Variants in PSPC1 observed in about 807,000 individuals in gnomAD.
PSPC1 encodes paraspeckle component 1.
PSPC1 carries 14 observed loss-of-function variants against 51.6 expected under a neutral mutation model. The observed-to-expected ratio is 0.27, with a 90% CI of 0.18 to 0.42. PSPC1 has a LOEUF of 0.42. Among genes scored for constraint, PSPC1 ranks in the 10% least tolerant of loss-of-function variants. PSPC1 has a pLI of 1.00. For synonymous variants in PSPC1, 193 were observed against 231.9 expected (o/e 0.83, Z 1.53); for missense variants, 406 against 701.1 (o/e 0.58, Z 4.75).
At chr13:19,704,811 C>T (rs1172339199) in intron 8 of PSPC1, among the ~76,000 whole-genome samples, 1 of 152,016 alleles carries the variant, frequency 6.6e-6, no homozygotes, top group Non-Finnish European at 1.5e-5. Context: ...ACTCTCAGAT[C>T]AAGACAAAAA....
intron 6 of PSPC1, among the ~76,000 whole-genome samples, chr13:19,713,640 T>A (rs1307470694): frequency 6.6e-5 from 10 of 151,752 alleles, no homozygotes; most frequent in African/African-American, 2.2e-4. Context: ...ATTGTATGCC[T>A]TTCCATGGAA....
rs375936498 is a variant in PSPC1, at chr13:19,704,791, A to G, written c.1386+871T>C. On this transcript the variant is annotated intron_variant, in intron 8 of 8. Coordinates refer to ENST00000338910, the MANE Select transcript of PSPC1 (RefSeq NM_001354909.2). ...TTCATAGTATTTAATCCACACAAAG[A>G]TATCTTCACACTCTCAGATCAAGAC... 1.1e-4 allele frequency among the ~76,000 whole-genome samples: 17 copies of G among 152,292 alleles called. No homozygotes were observed. In the East Asian group the frequency reaches 1.3e-3, roughly 12 times the overall value.
intron 6 of PSPC1, among the ~76,000 whole-genome samples, chr13:19,721,533 C>CATAT (rs1318250814): frequency 6.6e-6 from 1 of 152,178 alleles, no homozygotes; most frequent in African/African-American, 2.4e-5. Context: ...TAAACACAGA[C>CATAT]ATATACACAC....
intron 2 of PSPC1, among the ~76,000 whole-genome samples, chr13:19,765,353 T>A (rs1290024863): frequency 2.0e-5 from 3 of 147,562 alleles, no homozygotes; most frequent in Non-Finnish European, 3.0e-5. Flanking sequence ...TAATTATTAT[T>A]ATTATTATTA....
intron 1 of PSPC1, among the ~76,000 whole-genome samples, chr13:19,775,343 C>T (rs1889007823): frequency 6.6e-6 from 1 of 151,328 alleles, no homozygotes; most frequent in Admixed American, 6.6e-5. Context: ...CAGAGCGAGA[C>T]TCCGTCTCAA....
At chr13:19,694,438 T>C (rs188687748) in intron 6 of PSPC1, among the ~76,000 whole-genome samples, 6 of 152,276 alleles carry the variant, frequency 3.9e-5, no homozygotes, top group African/African-American at 1.4e-4. Context: ...ATTATATATA[T>C]TTTATTGAAC....
rs1177447031 is a variant in PSPC1, at chr13:19,708,603, GCTTTCTTAAAAGCTT to G, written c.1216+924_1216+938del. On this transcript the variant is annotated intron_variant, in intron 7 of 8. Coordinates refer to ENST00000338910, the MANE Select transcript of PSPC1 (RefSeq NM_001354909.2). ...AAATCCATACTAAAGTTGCTAATATGCTTTCTTAAAAGCTTAGTCAACTCTAAAACATGCATTGGC... is the reference window on the plus strand; with the variant it reads ...AAATCCATACTAAAGTTGCTAATATGAGTCAACTCTAAAACATGCATTGGC... 5.9e-5 allele frequency among the ~76,000 whole-genome samples: 9 copies of G among 152,238 alleles called. No individual in the cohort carries two copies. In the East Asian group the frequency reaches 1.7e-3, roughly 29 times the overall value.
rs377294026 is a variant in PSPC1, at chr13:19,736,474, C to G, written c.1052+5091G>C. 4.5e-3 allele frequency among the ~76,000 whole-genome samples: 690 copies of G among 151,932 alleles called. 1 individual carries two copies. The highest frequency in any genetic ancestry group is 7.0e-3 in the Non-Finnish European group (475 of 67,932). ...CGAGGCGGGCGGATCACAAGGTCAG[C>G]AGATCGAGACCATCCTGGCTAACAC... On this transcript the variant is annotated intron_variant, in intron 5 of 8. Coordinates refer to ENST00000338910, the MANE Select transcript of PSPC1 (RefSeq NM_001354909.2).
At chr13:19,690,039 C>T (rs931694025) in intron 6 of PSPC1, among the ~76,000 whole-genome samples, 12 of 152,186 alleles carry the variant, frequency 7.9e-5, no homozygotes, top group Non-Finnish European at 1.8e-4. Context: ...TAAACAGGGA[C>T]TCTTAACATG....
chr13:19,687,280 C>A (rs1376271954), intron 6 of PSPC1, among the ~76,000 whole-genome samples: 1 of 152,128 alleles, frequency 6.6e-6, no homozygotes, highest in Non-Finnish European at 1.5e-5. Context: ...TTCTGTAACT[C>A]ATCAATGCAA....
chr13:19,678,707 A>G (rs9578201), intron 6 of PSPC1: 14,494 of 152,198 alleles, frequency 0.095, 1,025 homozygotes, highest in Non-Finnish European at 0.15. Flanking sequence ...ACCCTAATGC[A>G]CCCCAGTAAC....
chr13:19,696,011 G>T (rs1593548648), intron 6 of PSPC1, among the ~76,000 whole-genome samples: 1 of 152,132 alleles, frequency 6.6e-6, no homozygotes, highest in East Asian at 1.9e-4. Flanking sequence ...GTAGACCTGG[G>T]CCTCCACGAA....
chr13:19,684,951 C>A (rs1360250937), intron 6 of PSPC1, among the ~76,000 whole-genome samples: 1 of 152,174 alleles, frequency 6.6e-6, no homozygotes, highest in Non-Finnish European at 1.5e-5. Flanking sequence ...TAAAAAGAGA[C>A]TAAAGTCTAA....
Position 19,676,155 on chromosome 13 carries a change from A to AT in PSPC1, c.*77-1172dup, listed in dbSNP as rs1345930037. On this transcript the variant is annotated intron_variant and NMD_transcript_variant, in intron 7 of 7. Coordinates refer to the PSPC1 transcript ENST00000471658. ...ATGCCACAGACAGCTTATGTACACA[A>AT]TTTTTTTTCCTTTCCCATATATTTC... Among the ~76,000 whole-genome samples, 6 of 152,080 alleles carry AT rather than the reference A, an allele frequency of 3.9e-5. No homozygotes were observed. The South Asian group carries it at 8.3e-4, about 21-fold the overall frequency.
chr13:19,707,293 T>C lies in PSPC1; in HGVS notation c.1217-1462A>G, dbSNP rs766479132. 8.9e-4 allele frequency among the ~76,000 whole-genome samples: 135 copies of C among 152,328 alleles called. 1 individual carries two copies. Among genetic ancestry groups the C allele is most frequent in the Non-Finnish European group, 1.5e-3 (105 of 68,002 alleles). ...TATTTCCAACTAACAGCAGTTAACT[T>C]AGAGCCTTACTTTTAGTATTCACAT... On this transcript the variant is annotated intron_variant, in intron 7 of 8. Transcript: ENST00000338910.
At chr13:19,710,181 G>C (rs1460373620) in intron 6 of PSPC1, among the ~76,000 whole-genome samples, 3 of 152,116 alleles carry the variant, frequency 2.0e-5, no homozygotes, top group Non-Finnish European at 4.4e-5. Context: ...AGCAATTACT[G>C]AAAGCTCGAC....
Position 19,766,618 on chromosome 13 carries a change from T to C in PSPC1, c.674+5624A>G, listed in dbSNP as rs188269786. Among the ~76,000 whole-genome samples the C allele has an allele frequency of 5.9e-5, 9 of 152,074 alleles. No homozygotes were observed. The East Asian group carries it at 1.7e-3, about 29-fold the overall frequency. On this transcript the variant is annotated intron_variant, in intron 2 of 8. Coordinates refer to ENST00000338910, the MANE Select transcript of PSPC1 (RefSeq NM_001354909.2). ...GAGGATCATGTGAGCCTGAGGAGGC[T>C]GAGGGCATAGTGACCTATGATCGCA...
intron 6 of PSPC1, among the ~76,000 whole-genome samples, chr13:19,715,580 T>G (rs1186031676): frequency 6.6e-6 from 1 of 152,144 alleles, no homozygotes; most frequent in East Asian, 1.9e-4. Flanking sequence ...TAGGCAAAAC[T>G]TTCACGCACA....
At chr13:19,734,604 C>T (rs968407022) in intron 5 of PSPC1, among the ~76,000 whole-genome samples, 9 of 152,050 alleles carry the variant, frequency 5.9e-5, no homozygotes, top group Admixed American at 2.6e-4. Flanking sequence ...GAGTTCGAGA[C>T]GAGCCTGGCC....
Sources: gnomAD v4.1 joint callset for allele counts (sites outside exome capture counted in the v4.1 genomes callset) on GRCh38, gnomAD v4.1.1 for gene constraint, MANE v1.5 for transcripts, NCBI Gene and HGNC (gene_info 2026-07-23, HGNC 2026-07-21) for gene names.